Variants in OLFML2A observed in about 807,000 individuals in gnomAD.
The protein encoded by OLFML2A is olfactomedin like 2A.
OLFML2A carries 47 observed loss-of-function variants against 60.9 expected under a neutral mutation model. The ratio of observed to expected loss-of-function variants is 0.77; its 90% confidence interval spans 0.61 to 0.98. The LOEUF (loss-of-function observed/expected upper bound fraction) is 0.98, where lower values mean the gene tolerates loss of function less well. Ranked by LOEUF, OLFML2A falls within the 50% of genes least tolerant of loss-of-function variation. The probability of loss-of-function intolerance (pLI) is 0.00; values close to 1 mark genes in which losing one functional copy is unlikely to be tolerated. For missense variants in OLFML2A, 922 were observed against 879.8 expected (o/e 1.05, Z -0.61); for synonymous variants, 372 against 375.0 (o/e 0.99, Z 0.09).
At chr9:124,794,675 G>A (rs555583130) in intron 2 of OLFML2A, among the ~76,000 whole-genome samples, 1 of 152,264 alleles carries the variant, frequency 6.6e-6, no homozygotes, top group African/African-American at 2.4e-5. Context: ...AGGCTGGAGT[G>A]CAGTGGCGTG....
In OLFML2A at chr9:124,777,356, G is replaced by T; in HGVS notation, c.86G>T (p.Ser29Ile). 7.8e-7 allele frequency: 1 copy of T among 1,286,436 alleles called. No individual in the cohort carries two copies. Among genetic ancestry groups the T allele is most frequent in the Non-Finnish European group, 9.9e-7 (1 of 1,012,324 alleles). The allele number at this position is 1,286,436 out of a possible 1,614,324, so 79.7% of individuals were successfully genotyped here. A position where few individuals can be genotyped will look rare whatever the true frequency, so the allele number is the denominator to read the frequency against. The change falls in exon 1 of 8, where the codon AGT (serine) becomes ATT (isoleucine). Residue 29 changes from serine (S) to isoleucine (I), a missense_variant. By Grantham distance (142) the Ser-to-Ile change is moderately radical. Coordinates refer to ENST00000373580, the MANE Select transcript of OLFML2A (RefSeq NM_182487.4). This position sits in a 1 kb window ranked among gnomAD's most constrained non-coding sequence, Gnocchi z 6.2. Reference sequence around the variant, plus strand: ...AGCGGCCGCCCCACGCGCGCCGACAGTAAGGTACGCACGCCCCTCGGACCC... The same window carrying T: ...AGCGGCCGCCCCACGCGCGCCGACATTAAGGTACGCACGCCCCTCGGACCC... ...LLSGRPTRAD[S>I]KVFGDLDQVR...
intron 1 of OLFML2A, among the ~76,000 whole-genome samples, chr9:124,781,807 A>T (rs961316535): frequency 1.6e-4 from 24 of 151,834 alleles, no homozygotes; most frequent in African/African-American, 5.6e-4. Context: ...AAAAAAAAAA[A>T]GACACAAGTT....
chr9:124,810,486 C>T lies in OLFML2A; in HGVS notation c.*74C>T, dbSNP rs1371597630. On this transcript the variant is annotated 3_prime_UTR_variant, in exon 8 of 8. Transcript: ENST00000373580. ...TGCACAGCAGCTCCTGCAACTGACC[C>T]AGTCCGCAAATATTTATTGGGGGCC... 3 of 1,426,406 alleles carry T rather than the reference C, an allele frequency of 2.1e-6. No homozygotes were observed. The highest frequency in any genetic ancestry group is 2.8e-6 in the Non-Finnish European group (3 of 1,069,682). 88.4% of individuals were successfully genotyped at this position (1,426,406 alleles called of 1,614,324 possible). A position where few individuals can be genotyped will look rare whatever the true frequency, so the allele number is the denominator to read the frequency against.
At chr9:124,785,390 C>CTTTTTTTTTTTTT (rs1171618111) in intron 1 of OLFML2A, among the ~76,000 whole-genome samples, 2 of 62,254 alleles carry the variant, frequency 3.2e-5, no homozygotes, top group Non-Finnish European at 2.8e-5. Flanking sequence ...CATTTTCTTT[C>CTTTTTTTTTTTTT]TTTTTTTTTT....
intron 5 of OLFML2A, among the ~76,000 whole-genome samples, chr9:124,803,108 C>T (rs1841813822): frequency 6.6e-6 from 1 of 152,080 alleles, no homozygotes; most frequent in African/African-American, 2.4e-5. Flanking sequence ...GGGGTTTCGT[C>T]ATGTTGGCCA....
rs1841491389 is a variant in OLFML2A at position 124,787,177 on chromosome 9, A to G, written c.293A>G (p.Asn98Ser). ...CSCTAPPSSL[N>S]PCENEWKMEK... ...TGTACCGCACCTCCCTCCTCTCTCA[A>G]CCCCTGTGAGAACGAGTGGAAGATG... Residue 98 changes from asparagine to serine, a missense_variant, in exon 2 of 8, where the codon AAC (asparagine) becomes AGC (serine). Transcript: ENST00000373580. 3 of 1,613,618 alleles carry G rather than the reference A, an allele frequency of 1.9e-6. No individual in the cohort carries two copies. Among genetic ancestry groups the G allele is most frequent in the African/African-American group, 2.7e-5 (2 of 74,774 alleles).
Position 124,777,382 on chromosome 9 carries a change from G to A in OLFML2A, c.90+22G>A. ...TAAGGTACGCACGCCCCTCGGACCC[G>A]CGCGGCTCGGCGGGTAGCGGGGCGC... On this transcript the variant is annotated intron_variant, in intron 1 of 7. Coordinates refer to ENST00000373580, the MANE Select transcript of OLFML2A (RefSeq NM_182487.4). The surrounding 1 kb of genome is among the most constrained non-coding windows in gnomAD (Gnocchi z 6.2). 1 of 1,236,026 alleles carries A rather than the reference G, an allele frequency of 8.1e-7. No homozygotes were observed. The highest frequency in any genetic ancestry group is 3.4e-5 in the South Asian group (1 of 29,392). 76.6% of individuals were successfully genotyped at this position (1,236,026 alleles called of 1,614,324 possible).
rs1159020732 is a variant in OLFML2A at position 124,798,761 on chromosome 9, G to GAAAAAA, written c.463-523_463-518dup. Among the ~76,000 whole-genome samples the GAAAAAA allele has an allele frequency of 7.7e-3, 1,159 of 150,850 alleles. 28 individuals carry two copies. The highest frequency in any genetic ancestry group is 0.027 in the African/African-American group (1,097 of 41,116). ...AAAAAGAAAGAAAGAAAAAGAAAAA[G>GAAAAAA]AAAAAATAAGGGACTGGGTAAATAA... On this transcript the variant is annotated intron_variant, in intron 3 of 7. Transcript: ENST00000373580.
intron 3 of OLFML2A, among the ~76,000 whole-genome samples, chr9:124,796,162 TAGG>T (rs1841667354): frequency 1.3e-5 from 2 of 152,150 alleles, no homozygotes; most frequent in Non-Finnish European, 2.9e-5. Context: ...TGCCCCAGAG[TAGG>T]AGATTAACCC....
At chr9:124,780,062 T>C (rs1841333103) in intron 1 of OLFML2A, among the ~76,000 whole-genome samples, 1 of 152,218 alleles carries the variant, frequency 6.6e-6, no homozygotes, top group Admixed American at 6.5e-5. Flanking sequence ...CATTTCATGT[T>C]TATAACTAGG....
At position 124,777,454 on chromosome 9, in the gene OLFML2A, C is replaced by T; in HGVS notation, c.90+94C>T. 8.6e-7 allele frequency: 1 copy of T among 1,167,796 alleles called. No individual in the cohort carries two copies. The highest frequency in any genetic ancestry group is 1.1e-6 in the Non-Finnish European group (1 of 935,434). 72.3% of individuals were successfully genotyped at this position (1,167,796 alleles called of 1,614,324 possible). ...TGCGGCCCGGGAGGGAGCCCGGGGCCAGGGCGGAGGAGCCGGGAGCTGAGA... is the reference window on the plus strand; with the variant it reads ...TGCGGCCCGGGAGGGAGCCCGGGGCTAGGGCGGAGGAGCCGGGAGCTGAGA... On this transcript the variant is annotated intron_variant, in intron 1 of 7. Coordinates refer to ENST00000373580, the MANE Select transcript of OLFML2A (RefSeq NM_182487.4). The surrounding 1 kb of genome is among the most constrained non-coding windows in gnomAD (Gnocchi z 6.2).
chr9:124,804,302 GC>G lies in OLFML2A; in HGVS notation c.1131del (p.Thr378ProfsTer29). On this transcript the variant is annotated frameshift_variant, in exon 6 of 8. Coordinates refer to ENST00000373580, the MANE Select transcript of OLFML2A (RefSeq NM_182487.4). LOFTEE classifies it high-confidence loss of function. ...TTPTPTTSLLPTEPPSGPEVS... is the reference protein window; with the variant it reads ...TTPTPTTSLLXTEPPSGPEVS... ...CCCCAACCCCCACCACCAGTCTCCT[GC>G]CCACCGAGCCACCTTCAGGTCCAGA... 6.6e-7 allele frequency: 1 copy of G among 1,513,454 alleles called. No individual in the cohort carries two copies. Among genetic ancestry groups the G allele is most frequent in the Non-Finnish European group, 8.8e-7 (1 of 1,133,256 alleles). 93.8% of individuals were successfully genotyped at this position (1,513,454 alleles called of 1,614,324 possible). A position where few individuals can be genotyped will look rare whatever the true frequency, so the allele number is the denominator to read the frequency against.
chr9:124,787,487 C>T (rs1008019469), intron 2 of OLFML2A, among the ~76,000 whole-genome samples: 1 of 151,364 alleles, frequency 6.6e-6, no homozygotes, highest in African/African-American at 2.4e-5. Context: ...TCCATTGGCA[C>T]CTAGCTATAC....
At chr9:124,794,992 T>C (rs1413134874) in intron 2 of OLFML2A, 32 bp from the exon 3 acceptor site, 1 of 1,368,006 alleles carries the variant, frequency 7.3e-7, no homozygotes, top group African/African-American at 1.4e-5. Context: ...TGTGCTGCAC[T>C]CTTTGCCTAA....
intron 2 of OLFML2A, among the ~76,000 whole-genome samples, chr9:124,788,606 C>CA (rs1444947533): frequency 2.0e-5 from 3 of 151,212 alleles, no homozygotes; most frequent in Non-Finnish European, 4.4e-5. Flanking sequence ...GACTCCATCT[C>CA]AAAAAAAAGA....
In OLFML2A at chr9:124,803,728, G is replaced by A. The variant is rs115153209; in HGVS notation, c.920-366G>A. ...GTACAAAGTGCTTGATGCATAGGAA[G>A]GAAAGGGATCTCCTTTTTGGTACCT... is the stretch of plus-strand genomic sequence containing the variant. On this transcript the variant is annotated intron_variant, in intron 5 of 7. Transcript: ENST00000373580. Among the ~76,000 whole-genome samples the A allele has an allele frequency of 5.2e-3, 791 of 152,352 alleles. 8 individuals carry two copies. Among genetic ancestry groups the A allele is most frequent in the African/African-American group, 0.017 (719 of 41,588 alleles).
intron 2 of OLFML2A, among the ~76,000 whole-genome samples, chr9:124,789,088 C>T (rs1841530731): frequency 6.6e-6 from 1 of 152,092 alleles, no homozygotes; most frequent in East Asian, 1.9e-4. Flanking sequence ...CACCCCCAGG[C>T]TCAGCTAATT....
rs1317531264 is a variant in OLFML2A, at chr9:124,796,989, G to A, written c.462+1858G>A. Among the ~76,000 whole-genome samples the A allele has an allele frequency of 3.3e-5, 5 of 152,252 alleles. No individual in the cohort carries two copies. In the South Asian group the frequency reaches 1.0e-3, roughly 32 times the overall value. On this transcript the variant is annotated intron_variant, in intron 3 of 7. Transcript: ENST00000373580. ...ACACTTTGACTTCTGTCATCCCTGG[G>A]ATCTAGTTTTTTGATTGTTTGTTTG...
At position 124,795,092 on chromosome 9, in the gene OLFML2A, C is replaced by T. The variant is rs754097331; in HGVS notation, c.423C>T (p.Tyr141=). The change falls in exon 3 of 8, where the codon TAC becomes TAT. Residue 141 remains tyrosine (Y), a synonymous_variant. Transcript: ENST00000373580. ...YSMDLMKVHA[Y]VHKVASQMNT... Reference sequence around the variant, plus strand: ...TGGACTTGATGAAGGTGCACGCCTACGTCCACAAGGTGGCCTCCCAGATGA... The same window carrying T: ...TGGACTTGATGAAGGTGCACGCCTATGTCCACAAGGTGGCCTCCCAGATGA... The T allele has an allele frequency of 1.4e-5, 22 of 1,607,758 alleles. No homozygotes were observed. The highest frequency in any genetic ancestry group is 3.4e-5 in the Admixed American group (2 of 59,404).
Sources: gnomAD v4.1 joint callset for allele counts (sites outside exome capture counted in the v4.1 genomes callset) on GRCh38, gnomAD v4.1.1 for gene constraint, Gnocchi (gnomAD v3.1) non-coding constraint, MANE v1.5 for transcripts, NCBI Gene and HGNC (gene_info 2026-07-23, HGNC 2026-07-21) for gene names.